Variants in EML1 observed in about 807,000 individuals in gnomAD.
EML1 encodes EMAP like 1, also known as echinoderm microtubule-associated protein-like 1.
EML1 carries 27 observed loss-of-function variants against 110.4 expected under a neutral mutation model. The ratio of observed to expected loss-of-function variants is 0.24; its 90% CI spans 0.18 to 0.34. The LOEUF (loss-of-function observed/expected upper bound fraction) is 0.34. Among genes scored for constraint, EML1 ranks in the 10% least tolerant of loss-of-function variants. The pLI is 1.00. For synonymous variants in EML1, 344 were observed against 385.8 expected, an observed-to-expected ratio of 0.89 and a Z score of 1.27; for missense variants, 741 against 1,030.9, an observed-to-expected ratio of 0.72 and a Z score of 3.85.
intron 1 of EML1, among the ~76,000 whole-genome samples, chr14:99,743,337 C>T (rs2057066092): frequency 6.6e-6 from 1 of 152,162 alleles, no homozygotes; most frequent in Non-Finnish European, 1.5e-5. Context: ...TCTGCAGCCC[C>T]TGGGGACCCT....
At chr14:99,901,255 C>G (rs544931344) in intron 9 of EML1, among the ~76,000 whole-genome samples, 1 of 152,306 alleles carries the variant, frequency 6.6e-6, no homozygotes, top group East Asian at 1.9e-4. Context: ...ACATCTCCAG[C>G]CACATGGGTT....
chr14:99,786,227 T>G (rs2057598796), intron 1 of EML1, among the ~76,000 whole-genome samples: 1 of 152,152 alleles, frequency 6.6e-6, no homozygotes, highest in African/African-American at 2.4e-5. Context: ...AGGATCTGGT[T>G]GGGTGGAATG....
intron 1 of EML1, among the ~76,000 whole-genome samples, chr14:99,829,635 C>T (rs1458079785): frequency 6.6e-6 from 1 of 152,148 alleles, no homozygotes; most frequent in Non-Finnish European, 1.5e-5. Context: ...CCCATCCCTC[C>T]CGCCTCCCAG....
At chr14:99,752,131 C>T (rs74869274) in intron 1 of EML1, among the ~76,000 whole-genome samples, 2,670 of 152,300 alleles carry the variant, frequency 0.018, 49 homozygotes, top group Non-Finnish European at 0.025. Flanking sequence ...AATATGCCAT[C>T]AGCTGGCTTT....
chr14:99,743,870 T>C (rs1375154597), intron 1 of EML1, among the ~76,000 whole-genome samples: 1 of 152,212 alleles, frequency 6.6e-6, no homozygotes, highest in Non-Finnish European at 1.5e-5. Context: ...AGATAGATTT[T>C]ATTTTTTATT....
At position 99,921,325 on chromosome 14, in the gene EML1, A is replaced by G. The variant is rs117328584; in HGVS notation, c.1909+448A>G. ...ATTTTCTTCATCCAGTCTACTATTG[A>G]TGGGCATTTGGGTTGATTCTGTGTC... On this transcript the variant is annotated intron_variant, in intron 17 of 21. Coordinates refer to ENST00000262233, the MANE Select transcript of EML1 (RefSeq NM_004434.3). Among the ~76,000 whole-genome samples, 241 of 152,178 alleles carry G rather than the reference A, an allele frequency of 1.6e-3. 5 individuals carry two copies. In the East Asian group the frequency reaches 0.031, roughly 20 times the overall value.
chr14:99,749,497 G>T (rs1177363510), intron 1 of EML1, among the ~76,000 whole-genome samples: 7 of 152,202 alleles, frequency 4.6e-5, no homozygotes, highest in African/African-American at 1.7e-4. Flanking sequence ...GTAAAATGGG[G>T]ACAATGACAG....
intron 1 of EML1, among the ~76,000 whole-genome samples, chr14:99,775,204 G>C (rs2057469040): frequency 6.6e-6 from 1 of 152,282 alleles, no homozygotes; most frequent in East Asian, 1.9e-4. Context: ...AGTCAAATCT[G>C]TTTCCTAATT....
chr14:99,761,228 C>G (rs1325153072), intron 1 of EML1, among the ~76,000 whole-genome samples: 1 of 152,156 alleles, frequency 6.6e-6, no homozygotes, highest in African/African-American at 2.4e-5. Flanking sequence ...CAGGCTGACT[C>G]TGGAGACTGT....
At chr14:99,746,395 GC>G (rs1180527657) in intron 1 of EML1, among the ~76,000 whole-genome samples, 4 of 152,186 alleles carry the variant, frequency 2.6e-5, no homozygotes, top group Admixed American at 1.3e-4. Flanking sequence ...GTCTCAGGGG[GC>G]ACCTATGTTT....
intron 17 of EML1, among the ~76,000 whole-genome samples, chr14:99,932,537 G>C (rs1432638743): frequency 1.3e-5 from 2 of 151,862 alleles, no homozygotes; most frequent in African/African-American, 2.4e-5. Flanking sequence ...TATCTGGAAG[G>C]CTGAGGCAGG....
At chr14:99,796,939 GAGA>G (rs1427849624) in intron 1 of EML1, among the ~76,000 whole-genome samples, 1 of 151,594 alleles carries the variant, frequency 6.6e-6, no homozygotes, top group East Asian at 1.9e-4. Flanking sequence ...GTGTGTGTGA[GAGA>G]GTAATAGCTT....
chr14:99,775,636 G>C (rs1004006315), intron 1 of EML1, among the ~76,000 whole-genome samples: 9 of 152,200 alleles, frequency 5.9e-5, no homozygotes, highest in Admixed American at 1.3e-4. Context: ...GGAGCCCAGG[G>C]GCTTTTGATC....
chr14:99,843,968 G>C (rs565203916), intron 1 of EML1, among the ~76,000 whole-genome samples: 1 of 152,284 alleles, frequency 6.6e-6, no homozygotes, highest in African/African-American at 2.4e-5. Context: ...CCAGTGGCAT[G>C]ACATTTTGAA....
chr14:99,772,280 G>C (rs1292093609), upstream of EML1, among the ~76,000 whole-genome samples: 1 of 152,254 alleles, frequency 6.6e-6, no homozygotes, highest in Non-Finnish European at 1.5e-5. Context: ...TGCAAACTGT[G>C]TGTTTGGGCG....
chr14:99,818,904 A>G (rs1164168235), intron 1 of EML1, among the ~76,000 whole-genome samples: 2 of 152,240 alleles, frequency 1.3e-5, no homozygotes, highest in Non-Finnish European at 2.9e-5. Flanking sequence ...TAACTCCTCA[A>G]CTAAACTACA....
At chr14:99,924,363 A>G (rs1034358658) in intron 17 of EML1, among the ~76,000 whole-genome samples, 3 of 152,128 alleles carry the variant, frequency 2.0e-5, no homozygotes, top group African/African-American at 7.2e-5. Flanking sequence ...ACCTTCCAAG[A>G]CCCCACACAG....
chr14:99,927,078 C>T (rs915848691), intron 17 of EML1, among the ~76,000 whole-genome samples: 7 of 152,192 alleles, frequency 4.6e-5, no homozygotes, highest in Non-Finnish European at 7.3e-5. Flanking sequence ...ACCACAGTAT[C>T]GTTGTCTCCT....
chr14:99,882,317 CTTA>C (rs1180976213), intron 4 of EML1, among the ~76,000 whole-genome samples: 1 of 152,074 alleles, frequency 6.6e-6, no homozygotes, highest in Non-Finnish European at 1.5e-5. Context: ...AAATTGGCTG[CTTA>C]TTTAGAAGCA....
Sources: gnomAD v4.1 joint callset for allele counts (sites outside exome capture counted in the v4.1 genomes callset) on GRCh38, gnomAD v4.1.1 for gene constraint, MANE v1.5 for transcripts, NCBI Gene and HGNC (gene_info 2026-07-23, HGNC 2026-07-21) for gene names.